HDAC9: variants seen among roughly 807,000 people sequenced by gnomAD.
HDAC9 encodes the protein MEF-2 interacting transcription repressor (MITR) protein.
In HDAC9, 41 loss-of-function variants were observed where a neutral mutation model predicts 139.4. The observed-to-expected ratio is 0.29, with a 90% confidence interval of 0.23 to 0.38. The LOEUF (loss-of-function observed/expected upper bound fraction) is 0.38, where lower values mean the gene tolerates loss of function less well. Ranked by LOEUF, HDAC9 falls within the 10% of genes least tolerant of loss-of-function variation. HDAC9 has a pLI of 1.00. For missense variants in HDAC9, 1,147 were observed against 1,297.0 expected (o/e 0.88, Z 1.78); for synonymous variants, 517 against 476.2 (o/e 1.09, Z -1.12).
intron 1 of HDAC9, among the ~76,000 whole-genome samples, chr7:18,308,629 A>G (rs1024793449): frequency 6.6e-5 from 10 of 152,234 alleles, no homozygotes; most frequent in South Asian, 2.1e-4. Flanking sequence ...AGAATGTTCT[A>G]TTAATCTTTT....
At chr7:18,720,627 TA>T (rs538887681) in intron 12 of HDAC9, among the ~76,000 whole-genome samples, 109 of 143,526 alleles carry the variant, frequency 7.6e-4, no homozygotes, top group Middle Eastern at 3.6e-3. Flanking sequence ...TTTACCTTAG[TA>T]AAAAAAAAAA....
chr7:18,555,883 GTTGTA>G (rs990442524), intron 2 of HDAC9, among the ~76,000 whole-genome samples: 27 of 152,142 alleles, frequency 1.8e-4, no homozygotes, highest in African/African-American at 6.3e-4. Flanking sequence ...TGGCAAAATA[GTTGTA>G]TTGTAGTATT....
intron 16 of HDAC9, among the ~76,000 whole-genome samples, chr7:18,786,619 C>CCTTCCT (rs1562940735): frequency 2.2e-3 from 38 of 17,206 alleles, no homozygotes; most frequent in Non-Finnish European, 4.1e-3. Flanking sequence ...CCTTCCTTCC[C>CCTTCCT]TCCCTCCCTC....
chr7:18,249,636 C>A (rs1214552220), intron 2 of HDAC9, among the ~76,000 whole-genome samples: 1 of 151,968 alleles, frequency 6.6e-6, no homozygotes, highest in Non-Finnish European at 1.5e-5. Context: ...TTGCTGCTCC[C>A]CACAGGCACC....
chr7:18,886,322 A>G (rs1450139739), intron 22 of HDAC9, among the ~76,000 whole-genome samples: 1 of 152,222 alleles, frequency 6.6e-6, no homozygotes, highest in Non-Finnish European at 1.5e-5. Flanking sequence ...ACTTTGAAGA[A>G]CACAGTTACT....
At chr7:18,154,149 A>G (rs1000042514) in intron 1 of HDAC9, among the ~76,000 whole-genome samples, 14 of 152,192 alleles carry the variant, frequency 9.2e-5, no homozygotes, top group African/African-American at 3.4e-4. Context: ...TTTCTAACTT[A>G]CAGTTTTTTT....
chr7:18,258,951 C>CTTTTTTTTT (rs199607615), intron 2 of HDAC9, among the ~76,000 whole-genome samples: 1 of 98,326 alleles, frequency 1.0e-5, no homozygotes, highest in Non-Finnish European at 2.1e-5. Flanking sequence ...TCTTCTTCTC[C>CTTTTTTTTT]TTTTTTTTTT....
chr7:18,299,220 ATTT>A (rs11438085), intron 1 of HDAC9, among the ~76,000 whole-genome samples: 16 of 138,988 alleles, frequency 1.2e-4, no homozygotes, highest in African/African-American at 3.2e-4. Flanking sequence ...AACTCTTAAG[ATTT>A]TTTTTTTTTT....
At chr7:18,942,189 C>T (rs1782072911) in intron 23 of HDAC9, among the ~76,000 whole-genome samples, 1 of 152,016 alleles carries the variant, frequency 6.6e-6, no homozygotes, top group Non-Finnish European at 1.5e-5. Context: ...GGGAATATAA[C>T]ATAAAACCAT....
chr7:18,933,469 A>G (rs534027305), intron 22 of HDAC9, among the ~76,000 whole-genome samples: 54 of 152,150 alleles, frequency 3.5e-4, no homozygotes, highest in Middle Eastern at 3.4e-3. Flanking sequence ...GACTCTACAT[A>G]ATTATCAAAG....
At chr7:18,637,955 C>G (rs1168560419) in intron 8 of HDAC9, among the ~76,000 whole-genome samples, 4 of 151,940 alleles carry the variant, frequency 2.6e-5, no homozygotes, top group Non-Finnish European at 4.4e-5. Flanking sequence ...GTTGAGTAAC[C>G]ATCATTTAGA....
chr7:18,446,825 T>C (rs972288901), intron 1 of HDAC9, among the ~76,000 whole-genome samples: 1 of 152,202 alleles, frequency 6.6e-6, no homozygotes, highest in Admixed American at 6.5e-5. Context: ...CTATAAATAC[T>C]TTCAACAGAT....
chr7:18,666,997 C>T (rs1355060367), intron 12 of HDAC9: 11 of 985,230 alleles, frequency 1.1e-5, no homozygotes, highest in African/African-American at 8.7e-5. Flanking sequence ...TAGTCTGCCC[C>T]TTCCTTCCTC....
chr7:18,786,841 TTCC>T, intron 16 of HDAC9, among the ~76,000 whole-genome samples: 1 of 21,094 alleles, frequency 4.7e-5, no homozygotes, highest in Non-Finnish European at 2.2e-4. Context: ...CCTTCATTCC[TTCC>T]TTCCTTCCTT....
chr7:18,474,118 C>T (rs989698439), intron 1 of HDAC9, among the ~76,000 whole-genome samples: 5 of 152,154 alleles, frequency 3.3e-5, no homozygotes, highest in African/African-American at 1.2e-4. Flanking sequence ...GATTGTGAGC[C>T]TTGGTAATCT....
At chr7:18,422,769 C>A (rs897984069) in intron 1 of HDAC9, among the ~76,000 whole-genome samples, 1 of 151,896 alleles carries the variant, frequency 6.6e-6, no homozygotes, top group Non-Finnish European at 1.5e-5. Context: ...CACACACACA[C>A]ACACACACAC....
chr7:18,105,881 A>G (rs926029874), intron 1 of HDAC9, among the ~76,000 whole-genome samples: 4 of 152,224 alleles, frequency 2.6e-5, no homozygotes, highest in East Asian at 3.9e-4. Context: ...GCACAATGGC[A>G]TATTACTAGG....
chr7:18,710,080 C>T (rs1448174484), intron 12 of HDAC9, among the ~76,000 whole-genome samples: 2 of 152,158 alleles, frequency 1.3e-5, no homozygotes, highest in Non-Finnish European at 2.9e-5. Flanking sequence ...AGCAAAGTCA[C>T]GTCTTAGGTG....
Position 18,999,375 on chromosome 7 carries a change from T to C in HDAC9, c.*3313T>C, listed in dbSNP as rs966360188. ...AAGCCTCGTGGATTTACTGGGTTTC[T>C]TTACAGACTCCATATGGAAGTAAAA... On this transcript the variant is annotated 3_prime_UTR_variant, in exon 26 of 26. Transcript: ENST00000686413. 1 of 152,218 alleles carries C rather than the reference T, an allele frequency of 6.6e-6. No individual in the cohort carries two copies. Among genetic ancestry groups the C allele is most frequent in the African/African-American group, 2.4e-5 (1 of 41,452 alleles). 9.4% of individuals were successfully genotyped at this position (152,218 alleles called of 1,614,324 possible). A position where few individuals can be genotyped will look rare whatever the true frequency, so the allele number is the denominator to read the frequency against.
Sources: gnomAD v4.1 joint callset for allele counts (sites outside exome capture counted in the v4.1 genomes callset) on GRCh38, gnomAD v4.1.1 for gene constraint, MANE v1.5 for transcripts, NCBI Gene and HGNC (gene_info 2026-07-23, HGNC 2026-07-21) for gene names.